The following NRG1 variants were observed in gnomAD, a reference collection of about 807,000 sequenced individuals.
NRG1 encodes pro-neuregulin-1, membrane-bound isoform.
A neutral mutation model predicts 63.8 loss-of-function variants in NRG1; 18 were observed. The ratio of observed to expected loss-of-function variants is 0.28; its 90% CI spans 0.19 to 0.42. NRG1 has a LOEUF of 0.42. Ranked by LOEUF, NRG1 falls within the 10% of genes least tolerant of loss-of-function variation. The pLI, the probability that NRG1 is intolerant of heterozygous loss-of-function variation, is 1.00. For synonymous variants in NRG1, 302 were observed against 301.3 expected, an observed-to-expected ratio of 1.00 and a Z score of -0.02; for missense variants, 762 against 814.7, an observed-to-expected ratio of 0.94 and a Z score of 0.79.
chr8:31,678,718 A>T (rs1355383616), intron 1 of NRG1, among the ~76,000 whole-genome samples: 2 of 148,428 alleles, frequency 1.3e-5, no homozygotes, highest in African/African-American at 2.4e-5. Context: ...AATTTATTAA[A>T]GTATTAAATA....
chr8:31,701,564 C>A (rs1810634683), intron 1 of NRG1, among the ~76,000 whole-genome samples: 1 of 151,744 alleles, frequency 6.6e-6, no homozygotes. Flanking sequence ...TAATGTGAGC[C>A]CTGGGTAAGG....
At chr8:32,126,347 G>A (rs534880646) in intron 1 of NRG1, among the ~76,000 whole-genome samples, 1 of 151,898 alleles carries the variant, frequency 6.6e-6, no homozygotes, top group Non-Finnish European at 1.5e-5. Flanking sequence ...AAAGCAAATA[G>A]TATATAATGT....
chr8:32,173,161 C>G (rs1840271819), intron 1 of NRG1, among the ~76,000 whole-genome samples: 1 of 151,916 alleles, frequency 6.6e-6, no homozygotes, highest in South Asian at 2.1e-4. Flanking sequence ...ACTCTACAAG[C>G]CAGAAGAGAG....
In NRG1 at chr8:31,891,305, C is replaced by T. The variant is rs576087037; in HGVS notation, c.37+251874C>T. The stretch of plus-strand genomic sequence containing the variant: ...AACAGTAAAAAATTTTAGTAACAAT[C>T]TATTTTAGAAAATGAACAAAAGACA... On this transcript the variant is annotated intron_variant, in intron 1 of 10. Coordinates refer to the NRG1 transcript ENST00000519301. Among the ~76,000 whole-genome samples, 8 of 152,170 alleles carry T rather than the reference C, an allele frequency of 5.3e-5. No individual in the cohort carries two copies. The East Asian group carries it at 1.5e-3, about 29-fold the overall frequency.
intron 5 of NRG1, among the ~76,000 whole-genome samples, chr8:32,726,456 A>G (rs1822216051): frequency 6.6e-6 from 1 of 152,164 alleles, no homozygotes; most frequent in African/African-American, 2.4e-5. Flanking sequence ...CAAAGCCAGT[A>G]GGAGACAAGA....
intron 1 of NRG1, among the ~76,000 whole-genome samples, chr8:32,062,685 T>C (rs1824086453): frequency 6.6e-6 from 1 of 152,138 alleles, no homozygotes. Flanking sequence ...ACAGAATGTT[T>C]TTCTAAATGA....
chr8:32,666,847 A>G (rs755142479), intron 5 of NRG1, among the ~76,000 whole-genome samples: 8 of 152,208 alleles, frequency 5.3e-5, no homozygotes, highest in Non-Finnish European at 1.0e-4. Flanking sequence ...GAAACATCAT[A>G]TAAGTGGAAT....
At chr8:32,460,955 A>T (rs1822237232) in intron 1 of NRG1, among the ~76,000 whole-genome samples, 1 of 152,224 alleles carries the variant, frequency 6.6e-6, no homozygotes, top group Non-Finnish European at 1.5e-5. Context: ...ATAGGACTAT[A>T]ATTTTCATAG....
At chr8:31,837,450 A>G (rs7834785) in intron 1 of NRG1, among the ~76,000 whole-genome samples, 147,045 of 152,146 alleles carry the variant, frequency 0.97, 71,240 homozygotes, top group East Asian at 1. Flanking sequence ...ATTGTGAAAT[A>G]ATCAAATCAT....
intron 1 of NRG1, among the ~76,000 whole-genome samples, chr8:31,696,401 G>T (rs570092598): frequency 6.6e-6 from 1 of 152,286 alleles, no homozygotes; most frequent in East Asian, 1.9e-4. Flanking sequence ...GGCATATGCT[G>T]GTTCAGAGGA....
At chr8:31,715,998 C>T (rs984743327) in intron 1 of NRG1, among the ~76,000 whole-genome samples, 1 of 152,028 alleles carries the variant, frequency 6.6e-6, no homozygotes, top group Non-Finnish European at 1.5e-5. Context: ...TTTATTTTTT[C>T]CAAAGCTAGT....
chr8:32,543,845 T>C (rs764656932), upstream of NRG1, among the ~76,000 whole-genome samples: 2 of 152,194 alleles, frequency 1.3e-5, no homozygotes, highest in African/African-American at 2.4e-5. Context: ...TATTAAATAT[T>C]TGCCAAATGG....
chr8:31,847,478 T>G (rs1429075721), intron 1 of NRG1, among the ~76,000 whole-genome samples: 1 of 152,212 alleles, frequency 6.6e-6, no homozygotes, highest in African/African-American at 2.4e-5. Flanking sequence ...AGCCTACAAC[T>G]ACAGAGGATG....
intron 1 of NRG1, among the ~76,000 whole-genome samples, chr8:32,045,975 G>A (rs2130746967): frequency 6.6e-6 from 1 of 152,064 alleles, no homozygotes; most frequent in Non-Finnish European, 1.5e-5. Context: ...CTTTTGCTCT[G>A]TAAAAGACAC....
chr8:32,710,192 A>G (rs1050365041), intron 5 of NRG1, among the ~76,000 whole-genome samples: 26 of 152,234 alleles, frequency 1.7e-4, no homozygotes, highest in Non-Finnish European at 2.5e-4. Context: ...TTTGCATGTT[A>G]TATACAAATG....
At chr8:31,806,444 C>G (rs1822294210) in intron 1 of NRG1, among the ~76,000 whole-genome samples, 1 of 152,066 alleles carries the variant, frequency 6.6e-6, no homozygotes, top group Non-Finnish European at 1.5e-5. Context: ...ACAACTCTTT[C>G]ACACTTCCAT....
intron 1 of NRG1, among the ~76,000 whole-genome samples, chr8:32,587,914 T>G (rs975833503): frequency 1.0e-4 from 14 of 137,950 alleles, no homozygotes; most frequent in Non-Finnish European, 1.6e-5. Flanking sequence ...TGGGTTTTTT[T>G]GTTTTGTTTT....
intron 1 of NRG1, among the ~76,000 whole-genome samples, chr8:32,062,634 G>A (rs1824074587): frequency 1.3e-5 from 2 of 151,862 alleles, no homozygotes; most frequent in Non-Finnish European, 2.9e-5. Flanking sequence ...CTTTTGGAAG[G>A]GATTGATTTT....
intron 1 of NRG1, among the ~76,000 whole-genome samples, chr8:32,333,467 T>C (rs937453917): frequency 4.6e-5 from 7 of 152,146 alleles, no homozygotes; most frequent in Admixed American, 3.9e-4. Flanking sequence ...TGGGATCCCT[T>C]GAATAAATAT....
Sources: gnomAD v4.1 joint callset for allele counts (sites outside exome capture counted in the v4.1 genomes callset) on GRCh38, gnomAD v4.1.1 for gene constraint, MANE v1.5 for transcripts, NCBI Gene and HGNC (gene_info 2026-07-23, HGNC 2026-07-21) for gene names.